DAB1: variants seen among roughly 807,000 people sequenced by gnomAD.
DAB1 encodes the protein DAB adaptor protein 1.
Under a neutral mutation model 64.6 loss-of-function variants are expected in DAB1, and 15 were observed. The observed-to-expected ratio is 0.23, with a 90% CI of 0.16 to 0.36. The LOEUF (loss-of-function observed/expected upper bound fraction) is 0.36. DAB1 is among the 10% of genes least tolerant of loss of function. The pLI is 1.00. For synonymous variants in DAB1, 235 were observed against 251.9 expected (o/e 0.93, Z 0.64); for missense variants, 596 against 706.7 (o/e 0.84, Z 1.78).
At chr1:58,451,884 A>C (rs1468194397) in intron 3 of DAB1, among the ~76,000 whole-genome samples, 1 of 152,090 alleles carries the variant, frequency 6.6e-6, no homozygotes. Context: ...CTCAAATCTC[A>C]ACAGTAAGAA....
At chr1:57,988,306 A>C (rs1646272438) in intron 5 of DAB1, among the ~76,000 whole-genome samples, 1 of 152,200 alleles carries the variant, frequency 6.6e-6, no homozygotes, top group Non-Finnish European at 1.5e-5. Context: ...ACAAACCTGC[A>C]TACCAATTCT....
chr1:57,698,763 CT>C (rs1646875203), intron 6 of DAB1, among the ~76,000 whole-genome samples: 1 of 152,260 alleles, frequency 6.6e-6, no homozygotes, highest in Non-Finnish European at 1.5e-5. Context: ...TTATTTGGCA[CT>C]GGGAGCTTCT....
chr1:58,373,621 C>T (rs540425227), intron 3 of DAB1, among the ~76,000 whole-genome samples: 55 of 152,050 alleles, frequency 3.6e-4, no homozygotes, highest in Admixed American at 1.2e-3. Context: ...TGAATAATGC[C>T]GCAATAAACA....
intron 6 of DAB1, among the ~76,000 whole-genome samples, chr1:57,758,615 T>A (rs1453303928): frequency 1.3e-5 from 2 of 152,196 alleles, no homozygotes; most frequent in East Asian, 3.9e-4. Context: ...TCCAGTGGAT[T>A]CATCATGTTC....
intron 1 of DAB1, among the ~76,000 whole-genome samples, chr1:58,528,482 T>A (rs190093870): frequency 6.6e-6 from 1 of 152,338 alleles, no homozygotes; most frequent in Admixed American, 6.5e-5. Context: ...AATTAATGAT[T>A]CTAAACCTAG....
intron 9 of DAB1, among the ~76,000 whole-genome samples, chr1:57,030,724 G>T (rs995347797): frequency 6.6e-6 from 1 of 152,198 alleles, no homozygotes; most frequent in African/African-American, 2.4e-5. Context: ...AATCTTGCTG[G>T]ACTTGAAATG....
chr1:58,416,826 T>C (rs940751188), intron 3 of DAB1, among the ~76,000 whole-genome samples: 3 of 152,154 alleles, frequency 2.0e-5, no homozygotes, highest in Admixed American at 6.5e-5. Context: ...CCTACCTTCA[T>C]GACCTCAAGA....
chr1:57,756,520 G>C (rs1460783037), intron 6 of DAB1, among the ~76,000 whole-genome samples: 1 of 152,090 alleles, frequency 6.6e-6, no homozygotes, highest in Non-Finnish European at 1.5e-5. Flanking sequence ...TTTATCCTAA[G>C]GGCAGGGAAG....
chr1:58,339,355 T>G (rs1348490657), intron 4 of DAB1, among the ~76,000 whole-genome samples: 2 of 152,150 alleles, frequency 1.3e-5, no homozygotes, highest in East Asian at 1.9e-4. Context: ...ATGAACACAA[T>G]GTTAATATCA....
intron 7 of DAB1, among the ~76,000 whole-genome samples, chr1:57,539,908 G>A (rs760498165): frequency 1.3e-5 from 2 of 152,148 alleles, no homozygotes; most frequent in Non-Finnish European, 2.9e-5. Context: ...CCAAACAGAT[G>A]AGGGCCAGGC....
chr1:58,499,289 G>C (rs1022918558), intron 3 of DAB1, among the ~76,000 whole-genome samples: 4 of 132,082 alleles, frequency 3.0e-5, no homozygotes, highest in Non-Finnish European at 4.6e-5. Context: ...GCCAGCCAGG[G>C]CAACACAGCA....
At chr1:58,141,337 T>C (rs1557668651) in intron 5 of DAB1, among the ~76,000 whole-genome samples, 1 of 152,010 alleles carries the variant, frequency 6.6e-6, no homozygotes, top group African/African-American at 2.4e-5. Context: ...GTAGGGGAAC[T>C]GCCCTTTATA....
At chr1:57,725,196 T>C (rs1647194179) in intron 6 of DAB1, among the ~76,000 whole-genome samples, 1 of 152,174 alleles carries the variant, frequency 6.6e-6, no homozygotes, top group East Asian at 1.9e-4. Context: ...AACCATGACA[T>C]ACCTATTTTC....
chr1:58,348,496 A>G (rs1474520985), intron 3 of DAB1, among the ~76,000 whole-genome samples: 1 of 152,236 alleles, frequency 6.6e-6, no homozygotes, highest in Non-Finnish European at 1.5e-5. Flanking sequence ...TCTATGTTTA[A>G]GACTCAAATT....
chr1:58,424,109 C>T (rs1644798169), intron 3 of DAB1, among the ~76,000 whole-genome samples: 1 of 152,166 alleles, frequency 6.6e-6, no homozygotes, highest in African/African-American at 2.4e-5. Flanking sequence ...GAGGGAGAGG[C>T]CTTAGTTCCA....
chr1:58,003,273 C>T (rs906460576), intron 5 of DAB1, among the ~76,000 whole-genome samples: 10 of 152,118 alleles, frequency 6.6e-5, no homozygotes, highest in South Asian at 6.2e-4. Flanking sequence ...TGCTCCTCTC[C>T]GCTTCAATGA....
At chr1:58,366,395 T>C (rs574664789) in intron 3 of DAB1, among the ~76,000 whole-genome samples, 1 of 152,322 alleles carries the variant, frequency 6.6e-6, no homozygotes, top group African/African-American at 2.4e-5. Context: ...GAGAATCTTC[T>C]GATTTTATGG....
chr1:58,488,725 C>A (rs1450396782), intron 3 of DAB1, among the ~76,000 whole-genome samples: 2 of 152,208 alleles, frequency 1.3e-5, no homozygotes, highest in African/African-American at 2.4e-5. Flanking sequence ...GCTGGGATTA[C>A]AGGCGTGAGC....
At chr1:58,356,701 C>T (rs1569678436) in intron 3 of DAB1, among the ~76,000 whole-genome samples, 1 of 152,018 alleles carries the variant, frequency 6.6e-6, no homozygotes, top group Non-Finnish European at 1.5e-5. Context: ...GTAGGTAGGC[C>T]GTGGATCCCA....
Sources: gnomAD v4.1 joint callset for allele counts (sites outside exome capture counted in the v4.1 genomes callset) on GRCh38, gnomAD v4.1.1 for gene constraint, MANE v1.5 for transcripts, NCBI Gene and HGNC (gene_info 2026-07-23, HGNC 2026-07-21) for gene names.